NAV2: variants seen among roughly 807,000 people sequenced by gnomAD.
NAV2 encodes neuron navigator 2, also known as helicase, APC down-regulated 1.
A neutral mutation model predicts 223.2 loss-of-function variants in NAV2; 54 were observed. The observed-to-expected ratio is 0.24, with a 90% CI of 0.19 to 0.30. The LOEUF (loss-of-function observed/expected upper bound fraction) is 0.30. Ranked by LOEUF, NAV2 falls within the 10% of genes least tolerant of loss-of-function variation. NAV2 has a pLI of 1.00. For missense variants in NAV2, 2,806 were observed against 3,147.5 expected (o/e 0.89, Z 2.60); for synonymous variants, 1,279 against 1,239.3 (o/e 1.03, Z -0.67).
chr11:19,880,135 C>T lies in NAV2; in HGVS notation c.770+8C>T, dbSNP rs1210613599. On this transcript the variant is annotated splice_region_variant and intron_variant, in intron 5 of 37. Coordinates refer to ENST00000349880, the MANE Select transcript of NAV2 (RefSeq NM_145117.5). Reference sequence around the variant, plus strand: ...AGCTGAAATGCAGTCCAGGTGGGGGCTCCTTGCCAACTGATGGTTCTGTTT... The same window carrying T: ...AGCTGAAATGCAGTCCAGGTGGGGGTTCCTTGCCAACTGATGGTTCTGTTT... 2.2e-5 allele frequency: 34 copies of T among 1,562,754 alleles called. No individual in the cohort carries two copies. The highest frequency in any genetic ancestry group is 2.9e-5 in the Non-Finnish European group (34 of 1,153,558).
rs1452279593 is a variant in NAV2, at chr11:20,075,835, CCT to C, written c.4984-1713_4984-1712del. On this transcript the variant is annotated intron_variant, in intron 22 of 37. Coordinates refer to ENST00000349880, the MANE Select transcript of NAV2 (RefSeq NM_145117.5). ...TCACTGTGTGTGTCAGTCATCTCCTCCTCTCGAATTTCACAGCATGATCAAAT... is the reference window on the plus strand; with the variant it reads ...TCACTGTGTGTGTCAGTCATCTCCTCCTCGAATTTCACAGCATGATCAAAT... 4.6e-5 allele frequency among the ~76,000 whole-genome samples: 7 copies of C among 150,784 alleles called. No individual in the cohort carries two copies. In the East Asian group the frequency reaches 1.2e-3, roughly 25 times the overall value.
In NAV2 at chr11:19,933,251, G is replaced by A. The variant is rs777117804; in HGVS notation, c.1007G>A (p.Ser336Asn). The A allele has an allele frequency of 1.2e-6, 2 of 1,609,140 alleles. No individual in the cohort carries two copies. The highest frequency in any genetic ancestry group is 2.2e-5 in the South Asian group (2 of 90,370). The change falls in exon 7 of 38, where the codon AGC becomes AAC. Residue 336 changes from serine to asparagine, a missense_variant. Ser to Asn is a conservative substitution (Grantham distance 46). Around this residue, in one of 4 missense-constraint regions of NAV2, gnomAD observed 1,167 missense variants for 1,180.5 expected, o/e 0.99. Transcript: ENST00000349880. The surrounding 1 kb of genome is among the most constrained non-coding windows in gnomAD (Gnocchi z 4.3). ...NAPASLESGS[S>N]STPTNCSTSS... is the part of the protein sequence containing the mutation. The stretch of plus-strand genomic sequence containing the variant: ...CCTGCTTCCTTGGAGAGCGGCAGCA[G>A]CTCCACCCCTACTAATTGCAGTACC...
chr11:19,598,124 G>C (rs2046255580), intron 1 of NAV2, among the ~76,000 whole-genome samples: 1 of 152,252 alleles, frequency 6.6e-6, no homozygotes, highest in Non-Finnish European at 1.5e-5. Context: ...GGCACAGCCA[G>C]ATGGAAGAGC....
At chr11:19,778,081 C>T in intron 1 of NAV2, 2 of 417,754 alleles carry the variant, frequency 4.8e-6, no homozygotes, top group Non-Finnish European at 4.9e-6. Context: ...TACTTTTTCC[C>T]TCCTCCGTTT....
intron 1 of NAV2, among the ~76,000 whole-genome samples, chr11:19,524,479 G>T (rs2702680): frequency 2.0e-5 from 3 of 151,954 alleles, no homozygotes; most frequent in Non-Finnish European, 4.4e-5. Context: ...CAGATGGCCC[G>T]GCTCTGCACC....
intron 11 of NAV2, among the ~76,000 whole-genome samples, chr11:20,000,175 C>T (rs183327490): frequency 4.8e-4 from 73 of 152,346 alleles, no homozygotes; most frequent in African/African-American, 1.7e-3. Context: ...GTAGTTAACA[C>T]GCTCCACATC....
At chr11:20,101,783 A>G (rs2153700112) in intron 32 of NAV2, among the ~76,000 whole-genome samples, 1 of 152,298 alleles carries the variant, frequency 6.6e-6, no homozygotes, top group Admixed American at 6.5e-5. Flanking sequence ...GAGCAACGGA[A>G]ACCTGTTTGA....
chr11:19,746,208 C>T (rs1163617900), intron 1 of NAV2, among the ~76,000 whole-genome samples: 2 of 152,242 alleles, frequency 1.3e-5, no homozygotes, highest in Admixed American at 6.5e-5. Context: ...ATATCTTTGT[C>T]CCTGAACATC....
At chr11:19,687,790 T>C (rs1012383381) in intron 1 of NAV2, among the ~76,000 whole-genome samples, 1 of 151,832 alleles carries the variant, frequency 6.6e-6, no homozygotes, top group Non-Finnish European at 1.5e-5. Flanking sequence ...CATGCGTGTG[T>C]GTGTGTGTGT....
At chr11:19,884,332 G>C in intron 5 of NAV2, 1 of 1,613,964 alleles carries the variant, frequency 6.2e-7, no homozygotes, top group East Asian at 2.2e-5. Flanking sequence ...AAAATCATCC[G>C]CTTCACTCTG....
In NAV2 at chr11:19,776,595, TG is replaced by T. The variant is rs1446390036; in HGVS notation, c.268-55888del. Among the ~76,000 whole-genome samples, 11 of 142,966 alleles carry T rather than the reference TG, an allele frequency of 7.7e-5. No individual in the cohort carries two copies. The East Asian group carries it at 2.2e-3, about 29-fold the overall frequency. The allele number at this position is 142,966 out of a possible 152,430, so 93.8% of individuals were successfully genotyped here. A position where few individuals can be genotyped will look rare whatever the true frequency, so the allele number is the denominator to read the frequency against. ...GGGCAGGGGTGTGTGTGTGTGTGTG[TG>T]TGTGTGTGTGTGGTTAGAGTTGTGG... On this transcript the variant is annotated intron_variant, in intron 1 of 37. Transcript: ENST00000349880.
intron 1 of NAV2, among the ~76,000 whole-genome samples, chr11:19,377,768 C>T (rs1848692045): frequency 6.6e-6 from 1 of 152,184 alleles, no homozygotes; most frequent in African/African-American, 2.4e-5. Flanking sequence ...GGAAGGATAA[C>T]CCAGGTCTCC....
intron 11 of NAV2, chr11:20,022,889 T>A: frequency 7.2e-7 from 1 of 1,382,010 alleles, no homozygotes; most frequent in South Asian, 1.7e-5. Flanking sequence ...TCTCGATCCT[T>A]CAGCACTTCA....
intron 35 of NAV2, 26 bp from the exon 36 acceptor site, chr11:20,107,638 T>G: frequency 6.4e-7 from 1 of 1,558,562 alleles, no homozygotes. Flanking sequence ...ATTTGAGTGC[T>G]AATGTATTTT....
At chr11:19,978,330 G>C (rs1294257575) in intron 10 of NAV2, among the ~76,000 whole-genome samples, 1 of 152,188 alleles carries the variant, frequency 6.6e-6, no homozygotes, top group Non-Finnish European at 1.5e-5. Context: ...TAACTGAGTA[G>C]AGGGGCCTGT....
chr11:19,456,179 GA>G (rs1227703113), intron 1 of NAV2, among the ~76,000 whole-genome samples: 2 of 152,192 alleles, frequency 1.3e-5, no homozygotes, highest in Non-Finnish European at 2.9e-5. Context: ...TTTACCAATG[GA>G]AAGAGGAAAG....
intron 11 of NAV2, among the ~76,000 whole-genome samples, chr11:20,000,951 C>T (rs1427091384): frequency 3.3e-5 from 5 of 152,210 alleles, no homozygotes; most frequent in Non-Finnish European, 5.9e-5. Context: ...CAGTGATCCT[C>T]CTGAAATGCA....
At chr11:19,533,984 G>T (rs2044110053) in intron 1 of NAV2, among the ~76,000 whole-genome samples, 1 of 151,766 alleles carries the variant, frequency 6.6e-6, no homozygotes, top group African/African-American at 2.4e-5. Context: ...GGGATTACAG[G>T]CGTGAGCCAC....
chr11:19,791,165 A>G (rs1469306204), intron 1 of NAV2, among the ~76,000 whole-genome samples: 1 of 152,144 alleles, frequency 6.6e-6, no homozygotes, highest in East Asian at 1.9e-4. Context: ...CTCGGCCAGG[A>G]ACTGTGCCAG....
Sources: gnomAD v4.1 joint callset for allele counts (sites outside exome capture counted in the v4.1 genomes callset) on GRCh38, gnomAD v4.1.1 for gene constraint, gnomAD v4.1.1 regional missense constraint, Gnocchi (gnomAD v3.1) non-coding constraint, MANE v1.5 for transcripts, NCBI Gene and HGNC (gene_info 2026-07-23, HGNC 2026-07-21) for gene names.